Variants in SPATA1 observed in about 807,000 individuals in gnomAD.
SPATA1 encodes the protein spermatogenesis associated 1.
Under a neutral mutation model 59.6 loss-of-function variants are expected in SPATA1, and 57 were observed. The ratio of observed to expected loss-of-function variants is 0.96; its 90% CI spans 0.77 to 1.19. The LOEUF is 1.19. SPATA1 is among the 50% of genes most tolerant of loss of function. The pLI is 0.00. For missense variants in SPATA1, 448 were observed against 480.7 expected (o/e 0.93, Z 0.64); for synonymous variants, 147 against 163.9 (o/e 0.90, Z 0.79).
intron 4 of SPATA1, among the ~76,000 whole-genome samples, chr1:84,524,699 G>A (rs1683150306): frequency 6.6e-6 from 1 of 152,112 alleles, no homozygotes; most frequent in Non-Finnish European, 1.5e-5. Context: ...ATAGCTGGCT[G>A]TTTCTTTTCA....
chr1:84,562,349 G>A (rs1558626873), intron 4 of SPATA1, among the ~76,000 whole-genome samples: 1 of 152,060 alleles, frequency 6.6e-6, no homozygotes, highest in Non-Finnish European at 1.5e-5. Context: ...TCACTAATAG[G>A]TATATACTTT....
chr1:84,541,149 T>G (rs1459978536), intron 8 of SPATA1, among the ~76,000 whole-genome samples: 1 of 152,228 alleles, frequency 6.6e-6, no homozygotes, highest in Non-Finnish European at 1.5e-5. Flanking sequence ...GAGAATTCCT[T>G]TAATGTGTAA....
chr1:84,543,530 T>C (rs1683980968), intron 8 of SPATA1, among the ~76,000 whole-genome samples: 2 of 151,874 alleles, frequency 1.3e-5, no homozygotes, highest in Non-Finnish European at 1.5e-5. Context: ...GTGGGGGAGA[T>C]GCCACACACT....
chr1:84,525,641 T>TA (rs1202941660), intron 4 of SPATA1, 55 bp from the exon 5 acceptor site: 1 of 1,490,344 alleles, frequency 6.7e-7, no homozygotes, highest in East Asian at 2.3e-5. Flanking sequence ...GAGGTAAAAA[T>TA]AATTGAAAAA....
chr1:84,545,697 GAGA>G (rs1684063539), exon 10 of SPATA1: 3 of 1,538,310 alleles, frequency 2.0e-6, no homozygotes, highest in Non-Finnish European at 8.7e-7. Context: ...GAAAGAAATA[GAGA>G]AGAACTAGTA....
At chr1:84,529,614 G>A (rs1215570250) in intron 6 of SPATA1, among the ~76,000 whole-genome samples, 2 of 117,358 alleles carry the variant, frequency 1.7e-5, no homozygotes, top group Admixed American at 1.2e-4. Context: ...ACGGAGTCTC[G>A]CTCTGTTGCC....
At chr1:84,516,255 C>CAA in exon 2 of SPATA1, 14 of 1,029,928 alleles carry the variant, frequency 1.4e-5, no homozygotes, top group South Asian at 5.7e-5. Context: ...TATCTTAAGC[C>CAA]AAAAAAAACT....
chr1:84,540,525 C>T (rs374483688), intron 8 of SPATA1, among the ~76,000 whole-genome samples: 1 of 151,972 alleles, frequency 6.6e-6, no homozygotes, highest in African/African-American at 2.4e-5. Flanking sequence ...CTTTTCTTGT[C>T]GTTTATTTTC....
intron 4 of SPATA1, among the ~76,000 whole-genome samples, chr1:84,562,794 A>G (rs1684618782): frequency 6.6e-6 from 1 of 152,172 alleles, no homozygotes; most frequent in African/African-American, 2.4e-5. Flanking sequence ...TAAATTGAAA[A>G]TGATAGTTTT....
chr1:84,558,678 AT>A (rs1315243453), downstream of SPATA1, among the ~76,000 whole-genome samples: 16 of 151,634 alleles, frequency 1.1e-4, no homozygotes, highest in African/African-American at 3.6e-4. Context: ...AGGTGGGAGA[AT>A]CACTTGAGGC....
chr1:84,548,750 CTTTTTTTTTTTTT>C (rs56250726), intron 10 of SPATA1, 23 bp from the exon 11 acceptor site: 397 of 914,432 alleles, frequency 4.3e-4, no homozygotes, highest in South Asian at 1.1e-3. Context: ...AAGGCCTTTC[CTTTTTTTTTTTTT>C]TTTTTTTTTT....
At chr1:84,523,058 C>T (rs1683091104) in intron 4 of SPATA1, among the ~76,000 whole-genome samples, 2 of 152,002 alleles carry the variant, frequency 1.3e-5, no homozygotes, top group Admixed American at 1.3e-4. Context: ...GCATGCGACA[C>T]CACGCCCGGC....
chr1:84,552,943 G>C lies in SPATA1; in HGVS notation c.1225-92G>C, dbSNP rs1193745235. The C allele has an allele frequency of 1.0e-5, 8 of 766,784 alleles. No homozygotes were observed. The South Asian group carries it at 1.4e-4, about 13-fold the overall frequency. The allele number at this position is 766,784 out of a possible 1,614,324, so 47.5% of individuals were successfully genotyped here. Reference sequence around the variant, plus strand: ...AGCCAAATGAGAGAAGACAGTTAAAGCGGTTACAAAAACCCTGTTTACATG... The same window carrying C: ...AGCCAAATGAGAGAAGACAGTTAAACCGGTTACAAAAACCCTGTTTACATG... On this transcript the variant is annotated intron_variant, in intron 12 of 12. Coordinates refer to ENST00000490879, the Ensembl canonical transcript of SPATA1.
chr1:84,528,089 TTTAAC>T (rs1185721632), intron 6 of SPATA1, among the ~76,000 whole-genome samples: 2 of 152,234 alleles, frequency 1.3e-5, no homozygotes, highest in Non-Finnish European at 1.5e-5. Flanking sequence ...TTTTTAGAAA[TTTAAC>T]TGCTGTTTCT....
intron 12 of SPATA1, chr1:84,551,446 T>C (rs777055723): frequency 2.9e-4 from 91 of 310,710 alleles, no homozygotes; most frequent in Non-Finnish European, 4.1e-4. Context: ...AGAAATGTTC[T>C]ATGCCTGCAC....
intron 10 of SPATA1, among the ~76,000 whole-genome samples, chr1:84,547,632 A>G (rs1162738171): frequency 6.6e-6 from 1 of 152,190 alleles, no homozygotes; most frequent in Non-Finnish European, 1.5e-5. Context: ...TTAAGATTTG[A>G]TTAATAGGGA....
intron 4 of SPATA1, chr1:84,563,245 G>A (rs369419413): frequency 1.5e-5 from 21 of 1,441,760 alleles, no homozygotes; most frequent in South Asian, 4.5e-5. Context: ...CATAACTTAC[G>A]AAAAGTCTTA....
chr1:84,533,621 G>C (rs530155629), intron 7 of SPATA1, 88 bp from the exon 8 acceptor site: 1 of 1,046,672 alleles, frequency 9.6e-7, no homozygotes, highest in South Asian at 1.5e-5. Flanking sequence ...TGTGTTTACA[G>C]AGCATCAAAT....
Position 84,545,500 on chromosome 1 carries a change from A to C in SPATA1, c.821-134A>C, listed in dbSNP as rs543175867. On this transcript the variant is annotated intron_variant, in intron 9 of 12. Transcript: ENST00000490879. ...TTCCACATGGTAAATGCTATACTGT[A>C]GCAAGAAAAACAGTTTGGGATAAAA... 663 of 985,394 alleles carry C rather than the reference A, an allele frequency of 6.7e-4. 1 individual carries two copies. The highest frequency in any genetic ancestry group is 8.9e-4 in the Non-Finnish European group (622 of 702,140). 61.0% of individuals were successfully genotyped at this position (985,394 alleles called of 1,614,324 possible). A position where few individuals can be genotyped will look rare whatever the true frequency, so the allele number is the denominator to read the frequency against.
Sources: gnomAD v4.1 joint callset for allele counts (sites outside exome capture counted in the v4.1 genomes callset) on GRCh38, gnomAD v4.1.1 for gene constraint, MANE v1.5 for transcripts, NCBI Gene and HGNC (gene_info 2026-07-23, HGNC 2026-07-21) for gene names.